The following SPRING1 variants were observed in gnomAD, a reference collection of about 807,000 sequenced individuals.
The protein encoded by SPRING1 is SREBP regulating gene protein.
A neutral mutation model predicts 24.7 loss-of-function variants in SPRING1; 14 were observed. That is an observed-to-expected ratio of 0.57 (90% confidence interval 0.37 to 0.88). SPRING1 has a LOEUF of 0.88. Among genes scored for constraint, SPRING1 ranks in the 40% least tolerant of loss-of-function variants. SPRING1 has a pLI of 0.00. For synonymous variants in SPRING1, 93 were observed against 106.1 expected (o/e 0.88, Z 0.76); for missense variants, 255 against 268.4 (o/e 0.95, Z 0.35).
At chr12:116,733,615 C>T (rs1871098745) in intron 1 of SPRING1, among the ~76,000 whole-genome samples, 1 of 152,068 alleles carries the variant, frequency 6.6e-6, no homozygotes, top group African/African-American at 2.4e-5. Context: ...TTTGTGTTTT[C>T]AGCTAAGTGT....
At chr12:116,718,952 A>G (rs1424855514) in intron 4 of SPRING1, among the ~76,000 whole-genome samples, 1 of 152,272 alleles carries the variant, frequency 6.6e-6, no homozygotes, top group African/African-American at 2.4e-5. Flanking sequence ...GAGAAGGGGC[A>G]TAAAATCCAA....
intron 1 of SPRING1, among the ~76,000 whole-genome samples, chr12:116,725,419 G>C (rs1870635420): frequency 6.6e-6 from 1 of 152,078 alleles, no homozygotes; most frequent in Non-Finnish European, 1.5e-5. Context: ...CAGATAAGGG[G>C]GAACTACTAT....
chr12:116,717,540 C>T lies in SPRING1; in HGVS notation c.*270G>A. The T allele has an allele frequency of 2.9e-6, 1 of 350,162 alleles. No individual in the cohort carries two copies. The allele number at this position is 350,162 out of a possible 1,614,324, so 21.7% of individuals were successfully genotyped here. A position where few individuals can be genotyped will look rare whatever the true frequency, so the allele number is the denominator to read the frequency against. On this transcript the variant is annotated 3_prime_UTR_variant, in exon 5 of 5. Transcript: ENST00000261318. The surrounding 1 kb of genome is among the most constrained non-coding windows in gnomAD (Gnocchi z 4.2). The stretch of plus-strand genomic sequence containing the variant: ...AGGGCTGAGTCATCCAAGAACTCCA[C>T]CACCACCGTGAGCCCGGCCTCCGGT...
rs1303262900 is a variant in SPRING1 at position 116,710,856 on chromosome 12, A to G, written c.*6954T>C. On this transcript the variant is annotated 3_prime_UTR_variant, in exon 5 of 5. Transcript: ENST00000261318. Reference sequence around the variant, plus strand: ...ACTTTTGGCTTGTTACAAAAATTGGAATTTGGATCTGCAAGATACGCTAGC... The same window carrying G: ...ACTTTTGGCTTGTTACAAAAATTGGGATTTGGATCTGCAAGATACGCTAGC... 4 of 152,098 alleles carry G rather than the reference A, an allele frequency of 2.6e-5. No homozygotes were observed. The highest frequency in any genetic ancestry group is 5.9e-5 in the Non-Finnish European group (4 of 68,026). 9.4% of individuals were successfully genotyped at this position (152,098 alleles called of 1,614,324 possible).
At chr12:116,722,589 C>G (rs140935743) in intron 2 of SPRING1, among the ~76,000 whole-genome samples, 3 of 152,310 alleles carry the variant, frequency 2.0e-5, no homozygotes, top group East Asian at 3.9e-4. Flanking sequence ...AAAAATATAG[C>G]TTGTCACTGG....
chr12:116,719,780 A>G lies in SPRING1; in HGVS notation c.517T>C (p.Cys173Arg). ...CTTCTGACCTGAGATGAGGTCCTGC[A>G]TTTGGCCAGGCACAACTCAAAGTGA... ...EDHFELCLAKCRTSSQSVQHE... is the reference protein window; with the variant it reads ...EDHFELCLAKRRTSSQSVQHE... Residue 173 changes from cysteine to arginine, a missense_variant, in exon 4 of 5, where the codon TGC becomes CGC. By Grantham distance (180) the Cys-to-Arg change is radical (BLOSUM62 -3). Coordinates refer to ENST00000261318, the MANE Select transcript of SPRING1 (RefSeq NM_024738.4). 1 of 1,614,158 alleles carries G rather than the reference A, an allele frequency of 6.2e-7. No individual in the cohort carries two copies. Among genetic ancestry groups the G allele is most frequent in the Non-Finnish European group, 8.5e-7 (1 of 1,179,994 alleles).
rs1371231037 is a variant in SPRING1 at position 116,720,628 on chromosome 12, C to T, written c.269-181G>A. Among the ~76,000 whole-genome samples, 1 of 149,214 alleles carries T rather than the reference C, an allele frequency of 6.7e-6. No individual in the cohort carries two copies. Among genetic ancestry groups the T allele is most frequent in the South Asian group, 2.1e-4 (1 of 4,700 alleles). On this transcript the variant is annotated intron_variant, in intron 2 of 4. Coordinates refer to ENST00000261318, the MANE Select transcript of SPRING1 (RefSeq NM_024738.4). This position sits in a 1 kb window ranked among gnomAD's most constrained non-coding sequence, Gnocchi z 4.0. The stretch of plus-strand genomic sequence containing the variant: ...GTGGGGCTTACTTTCCCCAGGCAGT[C>T]GTTTCCAGGAAGCAGGCACTCCCCT...
chr12:116,723,189 T>C lies in SPRING1; in HGVS notation c.146A>G (p.Gln49Arg). ...GATGGGCTGATTATGGTCATGAACC[T>C]GGAGGAGATTCCTATCTCTCACTGC... is the stretch of plus-strand genomic sequence containing the variant. ...ERAVRDRNLL[Q>R]VHDHNQPIPW... Residue 49 changes from glutamine to arginine, a missense_variant, in exon 2 of 5, where the codon CAG (glutamine) becomes CGG (arginine). Coordinates refer to ENST00000261318, the MANE Select transcript of SPRING1 (RefSeq NM_024738.4). 1 of 1,614,148 alleles carries C rather than the reference T, an allele frequency of 6.2e-7. No homozygotes were observed. The highest frequency in any genetic ancestry group is 8.5e-7 in the Non-Finnish European group (1 of 1,180,044).
At chr12:116,719,051 T>TA (rs1870292136) in intron 4 of SPRING1, among the ~76,000 whole-genome samples, 2 of 152,174 alleles carry the variant, frequency 1.3e-5, no homozygotes, top group Non-Finnish European at 1.5e-5. Flanking sequence ...AGTAAAATCT[T>TA]AGAGACACCA....
rs1158265286 is a variant in SPRING1, at chr12:116,720,882, TAACA to T, written c.269-439_269-436del. Among the ~76,000 whole-genome samples, 3 of 152,206 alleles carry T rather than the reference TAACA, an allele frequency of 2.0e-5. No homozygotes were observed. The highest frequency in any genetic ancestry group is 2.9e-5 in the Non-Finnish European group (2 of 68,036). ...CACAAAAGTGAGGTCCTTCTAGATT[TAACA>T]AACAAACCACTCTTTACAAATATCT... On this transcript the variant is annotated intron_variant, in intron 2 of 4. Coordinates refer to ENST00000261318, the MANE Select transcript of SPRING1 (RefSeq NM_024738.4). This position sits in a 1 kb window ranked among gnomAD's most constrained non-coding sequence, Gnocchi z 4.0.
intron 1 of SPRING1, among the ~76,000 whole-genome samples, chr12:116,733,995 G>C (rs1871115815): frequency 6.6e-6 from 1 of 152,208 alleles, no homozygotes; most frequent in Non-Finnish European, 1.5e-5. Flanking sequence ...TCCTGCCTCA[G>C]CCTCCTGCAT....
In SPRING1 at chr12:116,712,576, GTTTTTATTGCTCCTAC is replaced by G. The variant is rs1008243545; in HGVS notation, c.*5218_*5233del. On this transcript the variant is annotated 3_prime_UTR_variant, in exon 5 of 5. Coordinates refer to ENST00000261318, the MANE Select transcript of SPRING1 (RefSeq NM_024738.4). ...TTCTCGGAGTCCCACTATCTTCTTT[GTTTTTATTGCTCCTAC>G]TTACTTATGTGATACCTTTTTAGTA... 6.6e-6 allele frequency: 1 copy of G among 152,156 alleles called. No individual in the cohort carries two copies. The highest frequency in any genetic ancestry group is 1.5e-5 in the Non-Finnish European group (1 of 68,034). The allele number at this position is 152,156 out of a possible 1,614,324, so 9.4% of individuals were successfully genotyped here. A position where few individuals can be genotyped will look rare whatever the true frequency, so the allele number is the denominator to read the frequency against.
chr12:116,735,852 C>T (rs970095406), intron 1 of SPRING1, among the ~76,000 whole-genome samples: 38 of 151,690 alleles, frequency 2.5e-4, no homozygotes, highest in Non-Finnish European at 7.4e-5. Context: ...CCAGCCATGA[C>T]CAACATGGAG....
In SPRING1 at chr12:116,720,028, C is replaced by A; in HGVS notation, c.421-152G>T. 1.4e-6 allele frequency: 1 copy of A among 723,318 alleles called. No homozygotes were observed. The allele number at this position is 723,318 out of a possible 1,614,324, so 44.8% of individuals were successfully genotyped here. A position where few individuals can be genotyped will look rare whatever the true frequency, so the allele number is the denominator to read the frequency against. ...AGGGGAAAGGACACACGCGTGCACA[C>A]ACGTGCATGCCAAAACACCCTGGGT... On this transcript the variant is annotated intron_variant, in intron 3 of 4. Transcript: ENST00000261318. The surrounding 1 kb of genome is among the most constrained non-coding windows in gnomAD (Gnocchi z 4.0).
rs201073590 is a variant in SPRING1 at position 116,720,470 on chromosome 12, A to G, written c.269-23T>C. 3.1e-6 allele frequency: 5 copies of G among 1,612,510 alleles called. No individual in the cohort carries two copies. The East Asian group carries it at 8.9e-5, about 29-fold the overall frequency. ...AGCCTGAAAGTCAGAGACCAACCTT[A>G]GCATAAAACCAGCAGCCTTGCCACC... is the stretch of plus-strand genomic sequence containing the variant. On this transcript the variant is annotated intron_variant, in intron 2 of 4. Coordinates refer to ENST00000261318, the MANE Select transcript of SPRING1 (RefSeq NM_024738.4). The surrounding 1 kb of genome is among the most constrained non-coding windows in gnomAD (Gnocchi z 4.0).
At chr12:116,730,282 T>C (rs184010549) in intron 1 of SPRING1, among the ~76,000 whole-genome samples, 17 of 151,842 alleles carry the variant, frequency 1.1e-4, no homozygotes, top group Non-Finnish European at 1.9e-4. Flanking sequence ...CCTGGCTCAA[T>C]GCAACTTCCA....
chr12:116,719,867 G>C lies in SPRING1; in HGVS notation c.430C>G (p.Leu144Val). The C allele has an allele frequency of 6.2e-7, 1 of 1,614,060 alleles. No homozygotes were observed. Among genetic ancestry groups the C allele is most frequent in the South Asian group, 1.1e-5 (1 of 91,072 alleles). Residue 144 changes from leucine to valine, a missense_variant, in exon 4 of 5, where the codon CTG (leucine) becomes GTG (valine). Leu to Val is a conservative substitution (Grantham distance 32). Transcript: ENST00000261318. Reference sequence around the variant, plus strand: ...GCTGCCCGGTTGAGGAAGCGCTCCAGGAGAAGTTGCTATGGAAACAAAAGT... The same window carrying C: ...GCTGCCCGGTTGAGGAAGCGCTCCACGAGAAGTTGCTATGGAAACAAAAGT... ...CCLQPNKQLL[L>V]ERFLNRAAVA... is the part of the protein sequence containing the mutation.
chr12:116,730,672 T>C (rs1566060892), intron 1 of SPRING1, among the ~76,000 whole-genome samples: 1 of 152,242 alleles, frequency 6.6e-6, no homozygotes, highest in Non-Finnish European at 1.5e-5. Context: ...TGAGTCTGTG[T>C]TGCACATTGA....
At position 116,737,669 on chromosome 12, in the gene SPRING1, G is replaced by A. The variant is rs1251073683; in HGVS notation, c.111+121C>T. ...GGGGAGAAAGAAAGGAAGGGAAGGG[G>A]TAGGAAGACAGGGAGGAAGGAAAAA... is the stretch of plus-strand genomic sequence containing the variant. On this transcript the variant is annotated intron_variant, in intron 1 of 4. Coordinates refer to ENST00000261318, the MANE Select transcript of SPRING1 (RefSeq NM_024738.4). 5 of 1,158,878 alleles carry A rather than the reference G, an allele frequency of 4.3e-6. No homozygotes were observed. In the East Asian group the frequency reaches 9.7e-5, roughly 23 times the overall value. The allele number at this position is 1,158,878 out of a possible 1,614,324, so 71.8% of individuals were successfully genotyped here.
Sources: allele counts gnomAD v4.1 joint callset (sites outside exome capture counted in the v4.1 genomes callset), GRCh38; gene constraint gnomAD v4.1.1; non-coding constraint Gnocchi (gnomAD v3.1); transcripts MANE v1.5; gene names NCBI Gene and HGNC (gene_info 2026-07-23, HGNC 2026-07-21).